The following CDHR3 variants were observed in gnomAD, a reference collection of about 807,000 sequenced individuals.
CDHR3 encodes cadherin-related family member 3.
A neutral mutation model predicts 86.6 loss-of-function variants in CDHR3; 79 were observed. The observed-to-expected ratio is 0.91, with a 90% CI of 0.76 to 1.10. The LOEUF (loss-of-function observed/expected upper bound fraction) is 1.10, where lower values mean the gene tolerates loss of function less well. Among genes scored for constraint, CDHR3 ranks in the 50% least tolerant of loss-of-function variants. The probability of loss-of-function intolerance (pLI) is 0.00; values close to 1 mark genes in which losing one functional copy is unlikely to be tolerated. For synonymous variants in CDHR3, 421 were observed against 402.4 expected (o/e 1.05, Z -0.55); for missense variants, 1,081 against 1,077.6 (o/e 1.00, Z -0.04).
intron 4 of CDHR3, among the ~76,000 whole-genome samples, chr7:105,987,664 T>G (rs1475135859): frequency 1.3e-5 from 2 of 152,204 alleles, no homozygotes; most frequent in African/African-American, 4.8e-5. Flanking sequence ...AAGTCTGATG[T>G]GATTGGACTT....
chr7:106,008,852 A>G lies in CDHR3; in HGVS notation c.1053-4008A>G, dbSNP rs1259310745. ...TGCTCTTCCTTGTTCCTCTGCCCTA[A>G]GAGGTAGGGGGTGAAGGTTAAGAAG... On this transcript the variant is annotated intron_variant, in intron 8 of 18. Transcript: ENST00000317716. Among the ~76,000 whole-genome samples, 9 of 152,136 alleles carry G rather than the reference A, an allele frequency of 5.9e-5. No individual in the cohort carries two copies. The East Asian group carries it at 1.7e-3, about 29-fold the overall frequency.
rs188857522 is a variant in CDHR3, at chr7:106,002,712, C to A, written c.862+1102C>A. On this transcript the variant is annotated intron_variant, in intron 7 of 18. Transcript: ENST00000317716. Reference sequence around the variant, plus strand: ...ACTGTCCAATAGGAATAGAATGAAGCCACTTACGTAATTTCAAAGTCTCTA... The same window carrying A: ...ACTGTCCAATAGGAATAGAATGAAGACACTTACGTAATTTCAAAGTCTCTA... Among the ~76,000 whole-genome samples the A allele has an allele frequency of 3.9e-5, 6 of 152,202 alleles. No homozygotes were observed. The East Asian group carries it at 1.2e-3, about 29-fold the overall frequency.
chr7:105,970,111 C>T (rs1296397073), intron 1 of CDHR3, among the ~76,000 whole-genome samples: 1 of 152,072 alleles, frequency 6.6e-6, no homozygotes, highest in African/African-American at 2.4e-5. Context: ...GAGTGATGGT[C>T]TCAGGGAGTC....
intron 12 of CDHR3, among the ~76,000 whole-genome samples, chr7:106,019,233 C>T (rs1225280943): frequency 6.6e-6 from 1 of 151,988 alleles, no homozygotes; most frequent in African/African-American, 2.4e-5. Flanking sequence ...TTCTCTATCT[C>T]TTAAACGGAG....
chr7:105,988,926 G>A (rs2115719990), intron 4 of CDHR3, among the ~76,000 whole-genome samples: 1 of 152,300 alleles, frequency 6.6e-6, no homozygotes, highest in Non-Finnish European at 1.5e-5. Flanking sequence ...CATACTCGGT[G>A]TCCAAACTCA....
chr7:106,026,685 A>G lies in CDHR3; in HGVS notation c.2262A>G (p.Thr754=). The G allele has an allele frequency of 1.9e-6, 3 of 1,613,900 alleles. No homozygotes were observed. The East Asian group carries it at 6.7e-5, about 36-fold the overall frequency. The change falls in exon 16 of 19, where the codon ACA becomes ACG. Residue 754 remains threonine, a synonymous_variant. Coordinates refer to ENST00000317716, the MANE Select transcript of CDHR3 (RefSeq NM_152750.5). ...CKTGKNKEPL[T]KKGETKTAER... is the part of the protein sequence containing the mutation. Reference sequence around the variant, plus strand: ...GCCATTCTTTTTCCCCCCATAGGACAAAGAAAGGAGGTATGTACAGTACCT... The same window carrying G: ...GCCATTCTTTTTCCCCCCATAGGACGAAGAAAGGAGGTATGTACAGTACCT...
At chr7:106,026,980 C>T (rs1004886612) in intron 16 of CDHR3, among the ~76,000 whole-genome samples, 6 of 152,176 alleles carry the variant, frequency 3.9e-5, no homozygotes, top group African/African-American at 1.4e-4. Context: ...CTGTCCCTTG[C>T]TGCATGGCAC....
chr7:105,970,899 T>C (rs1476848667), intron 1 of CDHR3, among the ~76,000 whole-genome samples: 1 of 152,076 alleles, frequency 6.6e-6, no homozygotes, highest in African/African-American at 2.4e-5. Flanking sequence ...CCCAGCACTT[T>C]GGGAGGCCGA....
intron 10 of CDHR3, 107 bp downstream of exon 10, chr7:106,015,320 C>T: frequency 3.2e-6 from 3 of 934,000 alleles, no homozygotes; most frequent in Non-Finnish European, 4.9e-6. Flanking sequence ...CTCACTAGTA[C>T]TGCCCTCATG....
At chr7:106,017,604 C>CAT (rs1480927746) in intron 11 of CDHR3, among the ~76,000 whole-genome samples, 4 of 148,722 alleles carry the variant, frequency 2.7e-5, no homozygotes, top group African/African-American at 1.0e-4. Flanking sequence ...CACACACACA[C>CAT]ACACAAAGAT....
intron 3 of CDHR3, among the ~76,000 whole-genome samples, chr7:105,982,476 A>G (rs933783367): frequency 4.0e-5 from 6 of 148,860 alleles, no homozygotes; most frequent in African/African-American, 1.5e-4. Context: ...CTCAAAAAAA[A>G]AAAAGAAAAA....
At chr7:106,017,609 A>AC (rs58364984) in intron 11 of CDHR3, among the ~76,000 whole-genome samples, 9 of 150,912 alleles carry the variant, frequency 6.0e-5, no homozygotes, top group Middle Eastern at 3.4e-3. Context: ...ACACACACAC[A>AC]AAGATATAAA....
chr7:105,993,901 G>A (rs1315718091), intron 4 of CDHR3, among the ~76,000 whole-genome samples: 1 of 152,110 alleles, frequency 6.6e-6, no homozygotes, highest in East Asian at 1.9e-4. Flanking sequence ...AAGGAGATCT[G>A]GGCAGGGTGT....
Position 106,035,163 on chromosome 7 carries a change from G to C in CDHR3, c.*2466G>C, listed in dbSNP as rs148646874. 6.6e-6 allele frequency among the ~76,000 whole-genome samples: 1 copy of C among 152,186 alleles called. No individual in the cohort carries two copies. Among genetic ancestry groups the C allele is most frequent in the Admixed American group, 6.5e-5 (1 of 15,278 alleles). ...CTTCTCCAGTGATGACAGGGCAAGA[G>C]GGAATTGTGCTTAATGGCCAGAGAA... On this transcript the variant is annotated 3_prime_UTR_variant, in exon 19 of 19. Transcript: ENST00000317716.
intron 16 of CDHR3, chr7:106,028,287 C>G: frequency 2.2e-6 from 1 of 456,270 alleles, no homozygotes; most frequent in Non-Finnish European, 4.0e-6. Flanking sequence ...TTTCTAGGTC[C>G]ACTGATAATA....
At chr7:105,982,207 G>A (rs181295695) in intron 3 of CDHR3, among the ~76,000 whole-genome samples, 5 of 152,138 alleles carry the variant, frequency 3.3e-5, no homozygotes, top group South Asian at 2.1e-4. Flanking sequence ...GGTGGCTCAC[G>A]CCTGTAATCT....
At chr7:105,999,175 C>A (rs1832737589) in intron 6 of CDHR3, among the ~76,000 whole-genome samples, 1 of 152,216 alleles carries the variant, frequency 6.6e-6, no homozygotes, top group Non-Finnish European at 1.5e-5. Flanking sequence ...CTTCACTGTG[C>A]TTTGAATAGC....
At chr7:105,963,560 G>A (rs775110439) in intron 1 of CDHR3, among the ~76,000 whole-genome samples, 196 bp downstream of exon 1, 6 of 152,200 alleles carry the variant, frequency 3.9e-5, no homozygotes, top group East Asian at 1.9e-4. Context: ...AAAGAGAGAT[G>A]CTTAAAGAGC....
At chr7:105,998,882 T>G (rs1832688785) in intron 6 of CDHR3, among the ~76,000 whole-genome samples, 1 of 152,240 alleles carries the variant, frequency 6.6e-6, no homozygotes, top group South Asian at 2.1e-4. Context: ...GCACTTTATT[T>G]TAGAGTTGGG....
Sources: gnomAD v4.1 joint callset for allele counts (sites outside exome capture counted in the v4.1 genomes callset) on GRCh38, gnomAD v4.1.1 for gene constraint, MANE v1.5 for transcripts, NCBI Gene and HGNC (gene_info 2026-07-23, HGNC 2026-07-21) for gene names.